The following IRF8 variants were observed in gnomAD, a reference collection of about 807,000 sequenced individuals.
IRF8 encodes the protein interferon consensus sequence binding protein 1.
IRF8 carries 14 observed loss-of-function variants against 48.7 expected under a neutral mutation model. The ratio of observed to expected loss-of-function variants is 0.29; its 90% CI spans 0.19 to 0.45. The LOEUF is 0.45. IRF8 is among the 20% of genes least tolerant of loss of function. The pLI is 1.00. For missense variants in IRF8, 493 were observed against 580.7 expected, an observed-to-expected ratio of 0.85 and a Z score of 1.55; for synonymous variants, 278 against 227.3, an observed-to-expected ratio of 1.22 and a Z score of -2.01.
At chr16:85,913,684 A>T (rs2152102109) in intron 5 of IRF8, among the ~76,000 whole-genome samples, 1 of 152,314 alleles carries the variant, frequency 6.6e-6, no homozygotes, top group East Asian at 1.9e-4. Context: ...AGGAGAGGAG[A>T]ACTCAGACCA....
At chr16:85,918,332 A>G (rs746373858) in intron 6 of IRF8, 85 bp from the exon 7 acceptor site, 165 of 1,452,292 alleles carry the variant, frequency 1.1e-4, no homozygotes, top group Non-Finnish European at 1.5e-4. Context: ...TTACCCGTGT[A>G]GGTGTGAGAC....
chr16:85,912,050 C>G (rs981689524), intron 4 of IRF8, among the ~76,000 whole-genome samples: 3 of 152,236 alleles, frequency 2.0e-5, no homozygotes, highest in Non-Finnish European at 2.9e-5. Flanking sequence ...TTGCTGCCTG[C>G]GCTTGTCATG....
At chr16:85,918,029 C>T (rs8046526) in intron 6 of IRF8, among the ~76,000 whole-genome samples, 18,824 of 152,102 alleles carry the variant, frequency 0.12, 1,533 homozygotes, top group Non-Finnish European at 0.17. Flanking sequence ...GGCAGCAGAC[C>T]GCAGTGCCCT....
Position 85,903,119 on chromosome 16 carries a change from T to C in IRF8, c.104T>C (p.Met35Thr), listed in dbSNP as rs140921131. The C allele has an allele frequency of 4.8e-5, 78 of 1,614,018 alleles. No homozygotes were observed. Among genetic ancestry groups the C allele is most frequent in the South Asian group, 4.3e-4 (39 of 91,082 alleles). Residue 35 changes from methionine to threonine, a missense_variant, in exon 2 of 9, where the codon ATG (methionine) becomes ACG (threonine). Around this residue, in one of 3 missense-constraint regions of IRF8, gnomAD observed 54 missense variants for 59.9 expected, o/e 0.90. Coordinates refer to ENST00000268638, the MANE Select transcript of IRF8 (RefSeq NM_002163.4). ...ATTTGGGAGAATGAGGAGAAGAGCA[T>C]GTTCCGGATCCCTTGGAAACACGCT... ...GLIWENEEKS[M>T]FRIPWKHAGK...
intron 1 of IRF8, chr16:85,900,858 C>G (rs1001582116): frequency 6.6e-6 from 1 of 152,176 alleles, no homozygotes; most frequent in African/African-American, 2.4e-5. Flanking sequence ...ATTAGGAATC[C>G]TGATAAGAAA....
chr16:85,902,540 A>T (rs573111251), intron 1 of IRF8: 2 of 226,936 alleles, frequency 8.8e-6, no homozygotes, highest in South Asian at 7.3e-5. Flanking sequence ...CCCAGACGGC[A>T]CGGACGCAGT....
chr16:85,901,719 A>T (rs368103247), intron 1 of IRF8, among the ~76,000 whole-genome samples: 16 of 152,260 alleles, frequency 1.1e-4, no homozygotes, highest in African/African-American at 3.1e-4. Flanking sequence ...CCTCCCTGGG[A>T]CCTGGCCCTG....
intron 3 of IRF8, among the ~76,000 whole-genome samples, chr16:85,910,201 G>A (rs1048340105): frequency 1.3e-5 from 2 of 152,212 alleles, no homozygotes; most frequent in South Asian, 2.1e-4. Context: ...CAGAGAATCC[G>A]AGGTGCTGGT....
chr16:85,907,836 C>G (rs1905048713), intron 2 of IRF8, among the ~76,000 whole-genome samples: 1 of 152,186 alleles, frequency 6.6e-6, no homozygotes, highest in African/African-American at 2.4e-5. Context: ...ATGCATTAAG[C>G]CTGAGAACAC....
At chr16:85,914,603 C>T (rs1363126276) in intron 6 of IRF8, 83 bp downstream of exon 6, 16 of 1,496,390 alleles carry the variant, frequency 1.1e-5, no homozygotes, top group South Asian at 5.7e-5. Flanking sequence ...TGCGGGGTTT[C>T]GAGGATGAGC....
chr16:85,919,226 C>T lies in IRF8; in HGVS notation c.988+423C>T, dbSNP rs117314988. On this transcript the variant is annotated intron_variant, in intron 7 of 8. Transcript: ENST00000268638. The stretch of plus-strand genomic sequence containing the variant: ...GGATCTGTGTACAGGTTTTGAGACA[C>T]GCTGACTTTCCGCACACTAAGTGCT... 1.1e-3 allele frequency among the ~76,000 whole-genome samples: 164 copies of T among 152,316 alleles called. No individual in the cohort carries two copies. The East Asian group carries it at 0.025, about 23-fold the overall frequency.
chr16:85,912,411 C>A (rs925994), intron 4 of IRF8, among the ~76,000 whole-genome samples: 10,347 of 152,232 alleles, frequency 0.068, 546 homozygotes, highest in East Asian at 0.18. Flanking sequence ...AATAACATAG[C>A]AATAATGGAA....
At chr16:85,906,371 TG>T (rs1905002931) in intron 2 of IRF8, among the ~76,000 whole-genome samples, 1 of 152,194 alleles carries the variant, frequency 6.6e-6, no homozygotes, top group African/African-American at 2.4e-5. Context: ...ATCACTCTCA[TG>T]TCTAGTTTTT....
chr16:85,904,810 A>ATTTTTTTTTT (rs1418168585), intron 2 of IRF8, among the ~76,000 whole-genome samples: 2 of 64,626 alleles, frequency 3.1e-5, no homozygotes, highest in Admixed American at 1.5e-4. Flanking sequence ...TTGATTGCAG[A>ATTTTTTTTTT]TCTTTTTTTT....
chr16:85,920,780 C>T (rs1430745455), intron 8 of IRF8, among the ~76,000 whole-genome samples: 1 of 152,186 alleles, frequency 6.6e-6, no homozygotes, highest in Non-Finnish European at 1.5e-5. Flanking sequence ...AAATCTAAGC[C>T]TCTTCTCCAG....
At chr16:85,916,025 A>G (rs1350800516) in intron 6 of IRF8, among the ~76,000 whole-genome samples, 1 of 152,168 alleles carries the variant, frequency 6.6e-6, no homozygotes, top group Non-Finnish European at 1.5e-5. Context: ...GTAGGTCCCA[A>G]GCCCTGGGCA....
At chr16:85,920,871 G>C (rs1233317330) in intron 8 of IRF8, among the ~76,000 whole-genome samples, 2 of 152,194 alleles carry the variant, frequency 1.3e-5, no homozygotes, top group African/African-American at 4.8e-5. Context: ...GTAGTCAAGG[G>C]AATGAATCTC....
intron 6 of IRF8, among the ~76,000 whole-genome samples, chr16:85,915,614 G>T (rs1905279073): frequency 1.3e-5 from 2 of 152,244 alleles, no homozygotes; most frequent in African/African-American, 4.8e-5. Context: ...GCCTCTGGCT[G>T]GAGCCTGTTC....
At chr16:85,912,909 A>G (rs1372014451) in intron 4 of IRF8, among the ~76,000 whole-genome samples, 2 of 152,248 alleles carry the variant, frequency 1.3e-5, no homozygotes, top group Non-Finnish European at 1.5e-5. Context: ...AGTGGCCCCC[A>G]AAGAGCCTAG....
Sources: gnomAD v4.1 joint callset for allele counts (sites outside exome capture counted in the v4.1 genomes callset) on GRCh38, gnomAD v4.1.1 for gene constraint, gnomAD v4.1.1 regional missense constraint, MANE v1.5 for transcripts, NCBI Gene and HGNC (gene_info 2026-07-23, HGNC 2026-07-21) for gene names.